Variants in TTC6 observed in about 807,000 individuals in gnomAD.
TTC6 encodes the protein tetratricopeptide repeat domain 6.
TTC6 carries 172 observed loss-of-function variants against 210.4 expected under a neutral mutation model. That is an observed-to-expected ratio of 0.82 (90% CI 0.72 to 0.93). The LOEUF is 0.93. Ranked by LOEUF, TTC6 falls within the 40% of genes least tolerant of loss-of-function variation. The pLI is 0.00. For synonymous variants in TTC6, 804 were observed against 819.6 expected, an observed-to-expected ratio of 0.98 and a Z score of 0.32; for missense variants, 2,414 against 2,318.1, an observed-to-expected ratio of 1.04 and a Z score of -0.85.
intron 4 of TTC6, among the ~76,000 whole-genome samples, chr14:37,699,445 T>C (rs1306396870): frequency 6.6e-6 from 1 of 152,248 alleles, no homozygotes; most frequent in Non-Finnish European, 1.5e-5. Flanking sequence ...CCAGAGTCTG[T>C]ACTCTTAATC....
exon 1 of TTC6, chr14:37,622,298 G>C (rs1461071731): frequency 1.3e-6 from 2 of 1,534,854 alleles, no homozygotes; most frequent in Non-Finnish European, 8.7e-7. Context: ...GATACCCTTC[G>C]CTTAAAGGCC....
chr14:37,753,292 T>G, intron 14 of TTC6, 57 bp downstream of exon 16: 1 of 1,401,826 alleles, frequency 7.1e-7, no homozygotes, highest in Non-Finnish European at 9.5e-7. Context: ...AAATACATTT[T>G]CAGAACAGAA....
chr14:37,633,749 G>GT (rs2095674717), intron 1 of TTC6, among the ~76,000 whole-genome samples: 1 of 152,170 alleles, frequency 6.6e-6, no homozygotes, highest in Non-Finnish European at 1.5e-5. Context: ...CTTCCCTCTG[G>GT]TGTCAATGGA....
chr14:37,827,065 C>A, intron 28 of TTC6, 131 bp from the exon 31 acceptor site: 1 of 643,624 alleles, frequency 1.6e-6, no homozygotes, highest in African/African-American at 1.9e-5. Context: ...ATTTGTTCTA[C>A]TGGAGTTTTA....
chr14:37,695,247 G>C (rs2095812548), intron 3 of TTC6, among the ~76,000 whole-genome samples: 2 of 152,058 alleles, frequency 1.3e-5, no homozygotes, highest in Non-Finnish European at 2.9e-5. Flanking sequence ...TGGGAAGAGA[G>C]GCTTGATGGG....
chr14:37,792,237 A>C, intron 16 of TTC6, 27 bp from the exon 19 acceptor site: 1 of 1,470,064 alleles, frequency 6.8e-7, no homozygotes, highest in Non-Finnish European at 9.1e-7. Flanking sequence ...ATGTTTAACA[A>C]GATTTCACTT....
At chr14:37,638,106 A>T (rs899516726) in intron 1 of TTC6, among the ~76,000 whole-genome samples, 2 of 152,176 alleles carry the variant, frequency 1.3e-5, no homozygotes, top group Non-Finnish European at 2.9e-5. Flanking sequence ...GGGTAAATGG[A>T]TATATAACTT....
intron 1 of TTC6, among the ~76,000 whole-genome samples, chr14:37,632,456 C>T (rs11848396): frequency 0.078 from 11,926 of 152,260 alleles, 608 homozygotes; most frequent in African/African-American, 0.14. Flanking sequence ...GGCTGCAGAA[C>T]GGCAAAGATT....
At chr14:37,624,383 A>C (rs1450059393) in intron 1 of TTC6, among the ~76,000 whole-genome samples, 2 of 152,206 alleles carry the variant, frequency 1.3e-5, no homozygotes. Context: ...CCTACTTCTG[A>C]CATAGGCTCC....
upstream of TTC6, among the ~76,000 whole-genome samples, chr14:37,619,097 T>C (rs572097521): frequency 4.6e-5 from 7 of 152,296 alleles, no homozygotes; most frequent in African/African-American, 1.7e-4. Flanking sequence ...TTTTTTAAAG[T>C]AGGGAAACTT....
At chr14:37,651,549 A>G (rs1347181188) in intron 1 of TTC6, among the ~76,000 whole-genome samples, 1 of 149,924 alleles carries the variant, frequency 6.7e-6, no homozygotes. Context: ...TATTAGAGAT[A>G]TTTAATCTCC....
chr14:37,716,131 A>G (rs1250048134), intron 6 of TTC6, among the ~76,000 whole-genome samples: 1 of 152,164 alleles, frequency 6.6e-6, no homozygotes, highest in Non-Finnish European at 1.5e-5. Context: ...TAATACCCTC[A>G]GTCAATTGTG....
intron 2 of TTC6, among the ~76,000 whole-genome samples, chr14:37,681,859 C>T (rs529117758): frequency 1.3e-5 from 2 of 152,212 alleles, no homozygotes; most frequent in African/African-American, 4.8e-5. Flanking sequence ...AAGATATATC[C>T]CTTGTAAAGA....
At chr14:37,794,977 C>A (rs953493064) in intron 17 of TTC6, among the ~76,000 whole-genome samples, 7 of 152,036 alleles carry the variant, frequency 4.6e-5, no homozygotes, top group African/African-American at 1.7e-4. Context: ...AGAACACAAA[C>A]ACGTACACAA....
intron 14 of TTC6, among the ~76,000 whole-genome samples, chr14:37,770,485 T>C (rs2096014495): frequency 1.3e-5 from 2 of 151,758 alleles, no homozygotes; most frequent in East Asian, 3.9e-4. Flanking sequence ...ATCTGGGTGC[T>C]CCTGTATTGG....
At chr14:37,632,811 C>T (rs1358963368) in intron 1 of TTC6, among the ~76,000 whole-genome samples, 8 of 152,250 alleles carry the variant, frequency 5.3e-5, no homozygotes, top group Admixed American at 3.9e-4. Flanking sequence ...CAGAGATGCC[C>T]TGCCCAGAGA....
intron 14 of TTC6, among the ~76,000 whole-genome samples, chr14:37,784,784 G>T (rs1176575796): frequency 3.3e-5 from 5 of 152,110 alleles, no homozygotes; most frequent in Admixed American, 6.5e-5. Context: ...CATGTTTAGT[G>T]CTTCCTTCAG....
chr14:37,769,271 A>G (rs1429595444), intron 14 of TTC6, among the ~76,000 whole-genome samples: 73 of 151,382 alleles, frequency 4.8e-4, no homozygotes, highest in Middle Eastern at 3.4e-3. Context: ...CTCTTTTTTG[A>G]TTGTGTCTCT....
intron 14 of TTC6, among the ~76,000 whole-genome samples, chr14:37,778,785 G>A (rs1304543494): frequency 6.6e-6 from 1 of 152,122 alleles, no homozygotes; most frequent in African/African-American, 2.4e-5. Context: ...CTATGAGCAG[G>A]TGTGGCCACC....
Sources: allele counts gnomAD v4.1 joint callset (sites outside exome capture counted in the v4.1 genomes callset), GRCh38; gene constraint gnomAD v4.1.1; transcripts MANE v1.5; gene names NCBI Gene and HGNC (gene_info 2026-07-23, HGNC 2026-07-21).